Variants in ZNF699 observed in about 807,000 individuals in gnomAD.
The protein encoded by ZNF699 is hangover homolog.
Under a neutral mutation model 22.5 loss-of-function variants are expected in ZNF699, and 18 were observed. The ratio of observed to expected loss-of-function variants is 0.80; its 90% CI spans 0.55 to 1.19. The LOEUF (loss-of-function observed/expected upper bound fraction) is 1.19, where lower values mean the gene tolerates loss of function less well. Among genes scored for constraint, ZNF699 ranks in the 50% most tolerant of loss-of-function variants. The pLI is 0.00. For synonymous variants in ZNF699, 241 were observed against 262.3 expected, an observed-to-expected ratio of 0.92 and a Z score of 0.78; for missense variants, 670 against 763.4, an observed-to-expected ratio of 0.88 and a Z score of 1.44.
intron 1 of ZNF699, among the ~76,000 whole-genome samples, chr19:9,307,398 A>C (rs911378060): frequency 6.6e-6 from 1 of 152,172 alleles, no homozygotes; most frequent in Non-Finnish European, 1.5e-5. Flanking sequence ...AAAAATCCTG[A>C]AGCAAATGAA....
rs1385134157 is a variant in ZNF699 at position 9,296,614 on chromosome 19, A to C, written c.790T>G (p.Ser264Ala). The C allele has an allele frequency of 1.9e-6, 3 of 1,614,194 alleles. No individual in the cohort carries two copies. In the Admixed American group the frequency reaches 5.0e-5, roughly 27 times the overall value. Residue 264 changes from serine (S) to alanine (A), a missense_variant, in exon 6 of 6, where the codon TCA (serine) becomes GCA (alanine). Physicochemically the swap from Ser to Ala is moderately conservative, Grantham distance 99 (BLOSUM62 1). Coordinates refer to ENST00000591998, the MANE Select transcript of ZNF699 (RefSeq NM_198535.3). ...ATCTTCATATGTGCCCTAAAGAATG[A>C]GGAACAGCTGAAGGCTTTGGTACAT... Reference protein sequence around the residue: ...KECTKAFSCSSFFRAHMKIHI... With the variant: ...KECTKAFSCSAFFRAHMKIHI...
rs984306966 is a variant in ZNF699 at position 9,297,107 on chromosome 19, A to G, written c.471-174T>C. ...CGGGATTTTTCTGATAATTGTTTAC[A>G]ACTGAAGTATGTGTCAAACATTCAA... On this transcript the variant is annotated intron_variant, in intron 5 of 5. Coordinates refer to ENST00000591998, the MANE Select transcript of ZNF699 (RefSeq NM_198535.3). This position sits in a 1 kb window ranked among gnomAD's most constrained non-coding sequence, Gnocchi z 4.3. 6.6e-6 allele frequency among the ~76,000 whole-genome samples: 1 copy of G among 152,224 alleles called. No individual in the cohort carries two copies.
intron 3 of ZNF699, among the ~76,000 whole-genome samples, chr19:9,299,847 T>A (rs2066300690): frequency 6.8e-6 from 1 of 147,802 alleles, no homozygotes; most frequent in African/African-American, 2.5e-5. Context: ...CAAAGAACTC[T>A]TAAAACTCAA....
At chr19:9,304,394 C>A (rs1292526560) in intron 2 of ZNF699, among the ~76,000 whole-genome samples, 1 of 149,924 alleles carries the variant, frequency 6.7e-6, no homozygotes, top group Non-Finnish European at 1.5e-5. Flanking sequence ...TCATTTTTTT[C>A]CCCCTCACAA....
Position 9,301,128 on chromosome 19 carries a change from CA to C in ZNF699, c.175+1249del, listed in dbSNP as rs142708432. Among the ~76,000 whole-genome samples, 844 of 134,190 alleles carry C rather than the reference CA, an allele frequency of 6.3e-3. 4 individuals are homozygous for C. Among genetic ancestry groups the C allele is most frequent in the Admixed American group, 9.0e-3 (122 of 13,554 alleles). 88.0% of individuals were successfully genotyped at this position (134,190 alleles called of 152,430 possible). ...GCTCTAAAAATAATAATAAAGCCTACAAAAAAAAAAGAGAGAGAGAGAGAGA... is the reference window on the plus strand; with the variant it reads ...GCTCTAAAAATAATAATAAAGCCTACAAAAAAAAAGAGAGAGAGAGAGAGA... On this transcript the variant is annotated intron_variant, in intron 3 of 5. Transcript: ENST00000591998.
intron 3 of ZNF699, among the ~76,000 whole-genome samples, chr19:9,300,620 G>GCT (rs1394416965): frequency 7.9e-5 from 12 of 152,286 alleles, no homozygotes; most frequent in Middle Eastern, 3.4e-3. Context: ...AAAGAAATGA[G>GCT]CTCTCAAGCT....
intron 3 of ZNF699, among the ~76,000 whole-genome samples, chr19:9,302,064 G>A (rs2066309531): frequency 6.6e-6 from 1 of 151,984 alleles, no homozygotes; most frequent in Admixed American, 6.6e-5. Context: ...CACCACGCCT[G>A]GCTAATTTTG....
chr19:9,305,266 TACAC>T (rs755417456), intron 1 of ZNF699, 142 bp from the exon 2 acceptor site: 267 of 581,626 alleles, frequency 4.6e-4, no homozygotes, highest in Admixed American at 1.0e-3. Context: ...TCAAAACACA[TACAC>T]ACACACACAC....
chr19:9,295,369 G>A lies in ZNF699; in HGVS notation c.*106C>T. On this transcript the variant is annotated 3_prime_UTR_variant, in exon 6 of 6. Coordinates refer to ENST00000591998, the MANE Select transcript of ZNF699 (RefSeq NM_198535.3). ...TGTCCTCAAATCTTCAAAACGATGA[G>A]CAACAATTTCCTACTTTCTTACATT... 1 of 1,431,076 alleles carries A rather than the reference G, an allele frequency of 7.0e-7. No individual in the cohort carries two copies. Among genetic ancestry groups the A allele is most frequent in the Non-Finnish European group, 9.3e-7 (1 of 1,072,032 alleles). The allele number at this position is 1,431,076 out of a possible 1,614,324, so 88.6% of individuals were successfully genotyped here. A position where few individuals can be genotyped will look rare whatever the true frequency, so the allele number is the denominator to read the frequency against.
chr19:9,295,519 A>T lies in ZNF699; in HGVS notation c.1885T>A (p.Tyr629Asn). Reference protein sequence around the residue: ...ECGKAFVCPAYFRRHVKTHTR... With the variant: ...ECGKAFVCPANFRRHVKTHTR... The stretch of plus-strand genomic sequence containing the variant: ...TGAGTTTTCACATGCCTTCGAAAGT[A>T]GGCAGGACAAACAAAGGCTTTCCCA... Residue 629 changes from tyrosine to asparagine, a missense_variant, in exon 6 of 6, where the codon TAC becomes AAC. Tyr to Asn is a moderately radical substitution (Grantham distance 143). Transcript: ENST00000591998. 2 of 1,613,536 alleles carry T rather than the reference A, an allele frequency of 1.2e-6. No individual in the cohort carries two copies. Among genetic ancestry groups the T allele is most frequent in the African/African-American group, 1.3e-5 (1 of 75,028 alleles).
chr19:9,307,130 G>A (rs1041361074), intron 1 of ZNF699, among the ~76,000 whole-genome samples: 1 of 152,206 alleles, frequency 6.6e-6, no homozygotes, highest in African/African-American at 2.4e-5. Flanking sequence ...GAACTCAGGA[G>A]GCAGAGGTTG....
At position 9,296,821 on chromosome 19, in the gene ZNF699, A is replaced by T. The variant is rs1200009910; in HGVS notation, c.583T>A (p.Cys195Ser). The part of the protein sequence containing the change: ...SLKRNTEVKS[C>S]ECHECGKAFV... ...GCCTTTCCACACTCATGGCATTCACAGGATTTTACTTCAGTATTTCTCTTG... is the reference window on the plus strand; with the variant it reads ...GCCTTTCCACACTCATGGCATTCACTGGATTTTACTTCAGTATTTCTCTTG... Residue 195 changes from cysteine to serine, a missense_variant, in exon 6 of 6, where the codon TGT (cysteine) becomes AGT (serine). Transcript: ENST00000591998. The T allele has an allele frequency of 6.2e-7, 1 of 1,614,214 alleles. No individual in the cohort carries two copies. Among genetic ancestry groups the T allele is most frequent in the South Asian group, 1.1e-5 (1 of 91,088 alleles).
rs2066289103 is a variant in ZNF699 at position 9,296,905 on chromosome 19, A to G, written c.499T>C (p.Cys167Arg). The change falls in exon 6 of 6, where the codon TGT (cysteine) becomes CGT (arginine). Residue 167 changes from cysteine to arginine, a missense_variant. Cys to Arg is a radical substitution (Grantham distance 180). Coordinates refer to ENST00000591998, the MANE Select transcript of ZNF699 (RefSeq NM_198535.3). ...TGTCCATCTTGATTTTCTTCATAAC[A>G]TTCATAGATGTTCTCTACCATATGA... ...RNHMVENIYECYEENQDGQTF... is the reference protein window; with the variant it reads ...RNHMVENIYERYEENQDGQTF... 1 of 1,610,782 alleles carries G rather than the reference A, an allele frequency of 6.2e-7. No individual in the cohort carries two copies. Among genetic ancestry groups the G allele is most frequent in the East Asian group, 2.2e-5 (1 of 44,840 alleles).
rs2066275529 is a variant in ZNF699 at position 9,293,927 on chromosome 19, T to TG, written c.*1547_*1548insC. Among the ~76,000 whole-genome samples, 1 of 123,182 alleles carries TG rather than the reference T, an allele frequency of 8.1e-6. No homozygotes were observed. The highest frequency in any genetic ancestry group is 1.9e-5 in the Non-Finnish European group (1 of 52,782). The allele number at this position is 123,182 out of a possible 152,430, so 80.8% of individuals were successfully genotyped here. On this transcript the variant is annotated 3_prime_UTR_variant, in exon 6 of 6. Transcript: ENST00000591998. ...CCTGAAGCAATTCATCTTCTTACAT[T>TG]TAAAAAAAAAAAAAAAGCAGTAAAA... is the stretch of plus-strand genomic sequence containing the variant.
chr19:9,300,647 G>T (rs1330677181), intron 3 of ZNF699, among the ~76,000 whole-genome samples: 2 of 152,174 alleles, frequency 1.3e-5, no homozygotes, highest in African/African-American at 2.4e-5. Flanking sequence ...AGACATGGAG[G>T]AATCTTAAAT....
chr19:9,301,081 A>G (rs968781207), intron 3 of ZNF699, among the ~76,000 whole-genome samples: 2 of 151,920 alleles, frequency 1.3e-5, no homozygotes, highest in East Asian at 3.9e-4. Flanking sequence ...CTTCCACTCA[A>G]TTCAGCTGTG....
intron 2 of ZNF699, among the ~76,000 whole-genome samples, chr19:9,303,752 T>C (rs571417833): frequency 6.6e-6 from 1 of 152,264 alleles, no homozygotes; most frequent in East Asian, 1.9e-4. Flanking sequence ...GACGCTCTTA[T>C]TGCTCTAGAG....
chr19:9,308,378 T>C (rs915569183), intron 1 of ZNF699, among the ~76,000 whole-genome samples: 8 of 151,594 alleles, frequency 5.3e-5, no homozygotes, highest in African/African-American at 1.5e-4. Flanking sequence ...AAGGAGAATA[T>C]AGAAAAAATT....
Position 9,292,152 on chromosome 19 carries a change from A to C in ZNF699, c.*3323T>G, listed in dbSNP as rs1411822942. On this transcript the variant is annotated 3_prime_UTR_variant, in exon 6 of 6. Coordinates refer to ENST00000591998, the MANE Select transcript of ZNF699 (RefSeq NM_198535.3). The stretch of plus-strand genomic sequence containing the variant: ...GACCAGCATAACAGCTAACATTACC[A>C]CTGCTTTTAGATCCTACCTGCCCAC... 6.6e-6 allele frequency among the ~76,000 whole-genome samples: 1 copy of C among 151,966 alleles called. No individual in the cohort carries two copies. Among genetic ancestry groups the C allele is most frequent in the African/African-American group, 2.4e-5 (1 of 41,358 alleles).
Sources: allele counts gnomAD v4.1 joint callset (sites outside exome capture counted in the v4.1 genomes callset), GRCh38; gene constraint gnomAD v4.1.1; non-coding constraint Gnocchi (gnomAD v3.1); transcripts MANE v1.5; gene names NCBI Gene and HGNC (gene_info 2026-07-23, HGNC 2026-07-21).